The following RNF220 variants were observed in gnomAD, a reference collection of about 807,000 sequenced individuals.
RNF220 encodes the protein ring finger protein 220, also known as E3 ubiquitin-protein ligase RNF220.
A neutral mutation model predicts 67.1 loss-of-function variants in RNF220; 7 were observed. The observed-to-expected ratio is 0.10, with a 90% CI of 0.06 to 0.20. RNF220 has a LOEUF of 0.20. RNF220 is among the 10% of genes least tolerant of loss of function. The pLI, the probability that RNF220 is intolerant of heterozygous loss-of-function variation, is 1.00. For missense variants in RNF220, 565 were observed against 740.3 expected (o/e 0.76, Z 2.75); for synonymous variants, 270 against 283.2 (o/e 0.95, Z 0.47).
Position 44,644,681 on chromosome 1 carries a change from C to A in RNF220, c.1127-17C>A. 6.2e-7 allele frequency: 1 copy of A among 1,611,030 alleles called. No homozygotes were observed. The highest frequency in any genetic ancestry group is 8.5e-7 in the Non-Finnish European group (1 of 1,177,498). ...TCGTCTTGTCCCCAGGCCCTCCTCA[C>A]ACCCTGCTTCCCACAGGCTCTGGCT... is the stretch of plus-strand genomic sequence containing the variant. On this transcript the variant is annotated splice_polypyrimidine_tract_variant and intron_variant, in intron 8 of 14. Coordinates refer to ENST00000361799, the MANE Select transcript of RNF220 (RefSeq NM_018150.4).
chr1:44,632,453 C>CAGGAGCGGCAGGCAGT, intron 6 of RNF220, 68 bp downstream of exon 6: 1 of 1,464,906 alleles, frequency 6.8e-7, no homozygotes, highest in Non-Finnish European at 9.3e-7. Flanking sequence ...CACTGCCTGC[C>CAGGAGCGGCAGGCAGT]GCTCCTGGCT....
chr1:44,649,576 G>T lies in RNF220; in HGVS notation c.1446-85G>T. 8.1e-7 allele frequency: 1 copy of T among 1,236,378 alleles called. No individual in the cohort carries two copies. Among genetic ancestry groups the T allele is most frequent in the Non-Finnish European group, 1.2e-6 (1 of 844,752 alleles). The allele number at this position is 1,236,378 out of a possible 1,614,324, so 76.6% of individuals were successfully genotyped here. A position where few individuals can be genotyped will look rare whatever the true frequency, so the allele number is the denominator to read the frequency against. On this transcript the variant is annotated intron_variant, in intron 12 of 14. Coordinates refer to ENST00000361799, the MANE Select transcript of RNF220 (RefSeq NM_018150.4). This position sits in a 1 kb window ranked among gnomAD's most constrained non-coding sequence, Gnocchi z 5.9. ...ATGCCTAGGGGACATTTATGTATTT[G>T]GTTCTGGAATTCAAGGGAGGCGTAG...
intron 2 of RNF220, among the ~76,000 whole-genome samples, chr1:44,583,135 C>A (rs913838215): frequency 6.6e-6 from 1 of 151,960 alleles, no homozygotes; most frequent in African/African-American, 2.4e-5. Flanking sequence ...CCAGCCAGAG[C>A]GCTTTCAAGA....
chr1:44,589,472 A>G (rs1267372784), intron 2 of RNF220, among the ~76,000 whole-genome samples: 2 of 151,984 alleles, frequency 1.3e-5, no homozygotes, highest in Non-Finnish European at 2.9e-5. Context: ...AAATTAGCCA[A>G]GCGTGGTGAC....
chr1:44,515,970 G>T (rs1021401970), intron 2 of RNF220, among the ~76,000 whole-genome samples: 1 of 152,312 alleles, frequency 6.6e-6, no homozygotes, highest in South Asian at 2.1e-4. Flanking sequence ...TTGCCCGTCA[G>T]TGCGGATCTG....
At chr1:44,633,097 G>T (rs1644216930) in intron 6 of RNF220, among the ~76,000 whole-genome samples, 1 of 152,232 alleles carries the variant, frequency 6.6e-6, no homozygotes, top group African/African-American at 2.4e-5. Context: ...CTCTGGGTCA[G>T]CTGGTAAGTG....
rs1421747810 is a variant in RNF220, at chr1:44,645,093, C to T, written c.1310+12C>T. 1.2e-6 allele frequency: 2 copies of T among 1,614,070 alleles called. No individual in the cohort carries two copies. Among genetic ancestry groups the T allele is most frequent in the South Asian group, 1.1e-5 (1 of 91,080 alleles). On this transcript the variant is annotated intron_variant, in intron 10 of 14. Coordinates refer to ENST00000361799, the MANE Select transcript of RNF220 (RefSeq NM_018150.4). This position sits in a 1 kb window ranked among gnomAD's most constrained non-coding sequence, Gnocchi z 5.0. ...GGCGCAGTCCTAAAGCAAGTGTGGGCACAGGCTTGGGCGGGTGGAGCAGAG... is the reference window on the plus strand; with the variant it reads ...GGCGCAGTCCTAAAGCAAGTGTGGGTACAGGCTTGGGCGGGTGGAGCAGAG...
At chr1:44,543,382 G>A (rs1661838273) in intron 2 of RNF220, among the ~76,000 whole-genome samples, 1 of 152,188 alleles carries the variant, frequency 6.6e-6, no homozygotes, top group African/African-American at 2.4e-5. Context: ...GGAGAACTCA[G>A]CAGGCCTGGG....
chr1:44,438,711 C>T (rs1225898349), intron 2 of RNF220, among the ~76,000 whole-genome samples: 1 of 152,156 alleles, frequency 6.6e-6, no homozygotes, highest in African/African-American at 2.4e-5. Flanking sequence ...GGACAACCTC[C>T]CGCTGGCTAT....
chr1:44,487,196 A>T (rs919800476), intron 2 of RNF220, among the ~76,000 whole-genome samples: 6 of 151,866 alleles, frequency 4.0e-5, no homozygotes, highest in African/African-American at 1.5e-4. Flanking sequence ...TTAGCCAGGC[A>T]TGGTGGTGCA....
At chr1:44,465,881 G>A (rs1320415857) in intron 2 of RNF220, among the ~76,000 whole-genome samples, 1 of 152,134 alleles carries the variant, frequency 6.6e-6, no homozygotes, top group Non-Finnish European at 1.5e-5. Flanking sequence ...ATTTTTGCTA[G>A]TGGAGAGTTT....
intron 5 of RNF220, among the ~76,000 whole-genome samples, chr1:44,630,926 C>T (rs1644097631): frequency 6.6e-6 from 1 of 152,170 alleles, no homozygotes; most frequent in African/African-American, 2.4e-5. Context: ...TTAATTTTGT[C>T]CAATAGAAAG....
At chr1:44,568,341 A>C (rs748715459) in intron 2 of RNF220, among the ~76,000 whole-genome samples, 1 of 152,126 alleles carries the variant, frequency 6.6e-6, no homozygotes, top group Non-Finnish European at 1.5e-5. Flanking sequence ...TAATGATATG[A>C]CTCACATGTA....
chr1:44,562,836 G>A lies in RNF220; in HGVS notation c.626-51329G>A, dbSNP rs529581513. On this transcript the variant is annotated intron_variant, in intron 2 of 14. Transcript: ENST00000361799. ...ACTTCTTTCTTCCCCTCCTCTCCCC[G>A]AAGTGTCCTCTTCCATCCCCATCCA... is the stretch of plus-strand genomic sequence containing the variant. 1.0e-3 allele frequency among the ~76,000 whole-genome samples: 159 copies of A among 151,932 alleles called. 1 individual carries two copies. The highest frequency in any genetic ancestry group is 3.6e-3 in the African/African-American group (150 of 41,478).
chr1:44,590,538 T>C (rs1038012031), intron 2 of RNF220, among the ~76,000 whole-genome samples: 4 of 152,216 alleles, frequency 2.6e-5, no homozygotes, highest in Admixed American at 2.0e-4. Flanking sequence ...AGGTCTTGCA[T>C]TGAACTAAAC....
chr1:44,569,662 C>T (rs1215041782), intron 2 of RNF220, among the ~76,000 whole-genome samples: 3 of 151,938 alleles, frequency 2.0e-5, no homozygotes, highest in Non-Finnish European at 2.9e-5. Context: ...CAGCTCAGAC[C>T]CCACCCTGGC....
intron 2 of RNF220, among the ~76,000 whole-genome samples, chr1:44,460,073 T>G (rs967380536): frequency 6.6e-6 from 1 of 152,184 alleles, no homozygotes; most frequent in African/African-American, 2.4e-5. Context: ...GCAGCCACCC[T>G]GGGCAATTAT....
At chr1:44,564,880 C>T (rs1006356358) in intron 2 of RNF220, among the ~76,000 whole-genome samples, 1 of 152,138 alleles carries the variant, frequency 6.6e-6, no homozygotes, top group South Asian at 2.1e-4. Flanking sequence ...GTGTCGTTCC[C>T]TTGCTTGTCT....
At chr1:44,516,468 G>A in intron 2 of RNF220, among the ~76,000 whole-genome samples, 1 of 152,148 alleles carries the variant, frequency 6.6e-6, no homozygotes, top group East Asian at 1.9e-4. Context: ...CATGATAGTT[G>A]GATGCATGAA....
Sources: allele counts gnomAD v4.1 joint callset (sites outside exome capture counted in the v4.1 genomes callset), GRCh38; gene constraint gnomAD v4.1.1; non-coding constraint Gnocchi (gnomAD v3.1); transcripts MANE v1.5; gene names NCBI Gene and HGNC (gene_info 2026-07-23, HGNC 2026-07-21).